Variants in FGB observed in about 807,000 individuals in gnomAD.
The protein encoded by FGB is beta-fibrinogen.
In FGB, 25 loss-of-function variants were observed where a neutral mutation model predicts 57.9. The observed-to-expected ratio is 0.43, with a 90% CI of 0.31 to 0.60. The LOEUF (loss-of-function observed/expected upper bound fraction) is 0.60, where lower values mean the gene tolerates loss of function less well. Among genes scored for constraint, FGB ranks in the 20% least tolerant of loss-of-function variants. The pLI is 0.08. For missense variants in FGB, 536 were observed against 598.4 expected (o/e 0.90, Z 1.09); for synonymous variants, 203 against 199.2 (o/e 1.02, Z -0.16).
chr4:154,567,645 A>G lies in FGB; in HGVS notation c.543A>G (p.Leu181=), dbSNP rs777720766. 2 of 1,613,170 alleles carry G rather than the reference A, an allele frequency of 1.2e-6. No homozygotes were observed. The highest frequency in any genetic ancestry group is 1.1e-5 in the South Asian group (1 of 91,066). Residue 181 remains leucine, a synonymous_variant, in exon 4 of 8, where the codon TTA becomes TTG. Coordinates refer to ENST00000302068, the MANE Select transcript of FGB (RefSeq NM_005141.5). ...EYSSELEKHQ[L]YIDETVNSNI... is the part of the protein sequence containing the mutation. ...CCTCAGAACTGGAAAAGCACCAATT[A>G]TATATAGATGAGACTGTGAATAGCA...
At chr4:154,568,870 A>T (rs896950476) in intron 5 of FGB, among the ~76,000 whole-genome samples, 1 of 150,758 alleles carries the variant, frequency 6.6e-6, no homozygotes, top group Admixed American at 6.6e-5. Context: ...AAAAAAAATT[A>T]ATTAAAAAGC....
At chr4:154,568,715 A>G (rs1341821361) in intron 5 of FGB, among the ~76,000 whole-genome samples, 1 of 128,272 alleles carries the variant, frequency 7.8e-6, no homozygotes, top group African/African-American at 2.9e-5. Flanking sequence ...AAAAAAAAAA[A>G]TCAGCTGTGT....
Position 154,570,937 on chromosome 4 carries a change from G to A in FGB, c.*287G>A, listed in dbSNP as rs1730396995. On this transcript the variant is annotated 3_prime_UTR_variant, in exon 8 of 8. Transcript: ENST00000302068. ...CGAGAATTTTCAAATAAGGAAGAGG[G>A]GTCTTTTATCCTTGTCGTAGGAAAA... is the stretch of plus-strand genomic sequence containing the variant. The A allele has an allele frequency of 1.3e-4, 59 of 441,960 alleles. 3 individuals are homozygous for A. Among genetic ancestry groups the A allele is most frequent in the South Asian group, 1.3e-3 (58 of 45,696 alleles). 27.4% of individuals were successfully genotyped at this position (441,960 alleles called of 1,614,324 possible).
chr4:154,572,136 G>T lies in FGB; in HGVS notation c.*1486G>T, dbSNP rs1730452741. Reference sequence around the variant, plus strand: ...AAATTTTTTAGCTGGAGTAAAAATGGTCCCAGTACCATTTCCTGTTCCCTT... The same window carrying T: ...AAATTTTTTAGCTGGAGTAAAAATGTTCCCAGTACCATTTCCTGTTCCCTT... On this transcript the variant is annotated 3_prime_UTR_variant, in exon 8 of 8. Transcript: ENST00000302068. Among the ~76,000 whole-genome samples the T allele has an allele frequency of 6.6e-6, 1 of 152,026 alleles. No individual in the cohort carries two copies. The highest frequency in any genetic ancestry group is 1.5e-5 in the Non-Finnish European group (1 of 68,008).
chr4:154,568,999 T>C (rs1194347050), intron 5 of FGB, among the ~76,000 whole-genome samples, 183 bp from the exon 6 acceptor site: 1 of 152,258 alleles, frequency 6.6e-6, no homozygotes, highest in African/African-American at 2.4e-5. Context: ...TGGGGTAAGA[T>C]AAAGCACTTG....
chr4:154,568,131 G>A (rs952628985), intron 4 of FGB, among the ~76,000 whole-genome samples: 2 of 152,152 alleles, frequency 1.3e-5, no homozygotes, highest in African/African-American at 4.8e-5. Flanking sequence ...TGTTCTGGGA[G>A]CTCATGGATA....
chr4:154,568,361 ATGT>A lies in FGB; in HGVS notation c.719-16_719-14del. 1 of 1,239,996 alleles carries A rather than the reference ATGT, an allele frequency of 8.1e-7. No homozygotes were observed. The highest frequency in any genetic ancestry group is 1.2e-6 in the Non-Finnish European group (1 of 838,412). 76.8% of individuals were successfully genotyped at this position (1,239,996 alleles called of 1,614,324 possible). A position where few individuals can be genotyped will look rare whatever the true frequency, so the allele number is the denominator to read the frequency against. On this transcript the variant is annotated splice_polypyrimidine_tract_variant and intron_variant, in intron 4 of 7. Coordinates refer to ENST00000302068, the MANE Select transcript of FGB (RefSeq NM_005141.5). ...ATTATGTCATAAACCCCTGAACATA[ATGT>A]TGTCTTACATTTGCAGAATGTGAGG...
In FGB at chr4:154,570,962, A is replaced by G. The variant is rs933269323; in HGVS notation, c.*312A>G. ...GGTCTTTTATCCTTGTCGTAGGAAA[A>G]CCATGACGGAAAGGAAAAACTGATG... is the stretch of plus-strand genomic sequence containing the variant. On this transcript the variant is annotated 3_prime_UTR_variant, in exon 8 of 8. Transcript: ENST00000302068. The G allele has an allele frequency of 3.9e-5, 15 of 383,948 alleles. No homozygotes were observed. Among genetic ancestry groups the G allele is most frequent in the African/African-American group, 6.2e-5 (3 of 48,428 alleles). The allele number at this position is 383,948 out of a possible 1,614,324, so 23.8% of individuals were successfully genotyped here.
In FGB at chr4:154,572,170, C is replaced by T. The variant is rs909648839; in HGVS notation, c.*1520C>T. Reference sequence around the variant, plus strand: ...CCATTTCCTGTTCCCTTCACTATAACCTACATTTTTGTCACATTAAGTTTT... The same window carrying T: ...CCATTTCCTGTTCCCTTCACTATAATCTACATTTTTGTCACATTAAGTTTT... On this transcript the variant is annotated 3_prime_UTR_variant, in exon 8 of 8. Coordinates refer to ENST00000302068, the MANE Select transcript of FGB (RefSeq NM_005141.5). Among the ~76,000 whole-genome samples the T allele has an allele frequency of 5.9e-5, 9 of 152,142 alleles. No individual in the cohort carries two copies. Among genetic ancestry groups the T allele is most frequent in the Non-Finnish European group, 1.3e-4 (9 of 68,016 alleles).
chr4:154,565,487 T>G, intron 1 of FGB: 1 of 347,154 alleles, frequency 2.9e-6, no homozygotes, highest in South Asian at 2.8e-5. Context: ...CTTGACAGTA[T>G]AGATTCTTTA....
At position 154,570,718 on chromosome 4, in the gene FGB, T is replaced by G; in HGVS notation, c.*68T>G. On this transcript the variant is annotated 3_prime_UTR_variant, in exon 8 of 8. Coordinates refer to ENST00000302068, the MANE Select transcript of FGB (RefSeq NM_005141.5). ...TTTTGTACATTATGTTATTGGAATT[T>G]TCTTTCATACATTATATTCCTCTAA... 2.5e-6 allele frequency: 3 copies of G among 1,217,246 alleles called. No individual in the cohort carries two copies. The highest frequency in any genetic ancestry group is 2.4e-6 in the Non-Finnish European group (2 of 828,212). 75.4% of individuals were successfully genotyped at this position (1,217,246 alleles called of 1,614,324 possible).
rs1483798254 is a variant in FGB at position 154,571,327 on chromosome 4, C to T, written c.*677C>T. On this transcript the variant is annotated 3_prime_UTR_variant, in exon 8 of 8. Coordinates refer to ENST00000302068, the MANE Select transcript of FGB (RefSeq NM_005141.5). ...ACCAGCCTGACCAATATGGTGAAAC[C>T]CCATCTCTACTAAAAATACAAAAAT... Among the ~76,000 whole-genome samples, 2 of 151,954 alleles carry T rather than the reference C, an allele frequency of 1.3e-5. No individual in the cohort carries two copies. The highest frequency in any genetic ancestry group is 6.6e-5 in the Admixed American group (1 of 15,236).
chr4:154,569,746 G>C lies in FGB; in HGVS notation c.1191G>C (p.Met397Ile). ...AGCTGATGGGAGAAAACAGGACCAT[G>C]ACCATTCACAACGGCATGTTCTTCA... ...ASQLMGENRT[M>I]TIHNGMFFST... The change falls in exon 7 of 8, where the codon ATG becomes ATC. Residue 397 changes from methionine (M) to isoleucine (I), a missense_variant. Transcript: ENST00000302068. 1 of 1,614,138 alleles carries C rather than the reference G, an allele frequency of 6.2e-7. No homozygotes were observed. The highest frequency in any genetic ancestry group is 8.5e-7 in the Non-Finnish European group (1 of 1,180,014).
At position 154,569,672 on chromosome 4, in the gene FGB, A is replaced by T. The variant is rs141025407; in HGVS notation, c.1117A>T (p.Asn373Tyr). 8.1e-6 allele frequency: 13 copies of T among 1,614,174 alleles called. No individual in the cohort carries two copies. Among genetic ancestry groups the T allele is most frequent in the Non-Finnish European group, 1.0e-5 (12 of 1,180,026 alleles). ...NEANKYQISV[N>Y]KYRGTAGNAL... ...AGCCAACAAATACCAGATCTCAGTGAACAAATACAGAGGAACAGCCGGTAA... is the reference window on the plus strand; with the variant it reads ...AGCCAACAAATACCAGATCTCAGTGTACAAATACAGAGGAACAGCCGGTAA... Residue 373 changes from asparagine to tyrosine, a missense_variant, in exon 7 of 8, where the codon AAC becomes TAC. By Grantham distance (143) the Asn-to-Tyr change is moderately radical. This residue lies in a region of FGB where 177 missense variants were observed against 193.7 expected (regional missense o/e 0.91). Coordinates refer to ENST00000302068, the MANE Select transcript of FGB (RefSeq NM_005141.5).
chr4:154,568,148 G>A (rs983982191), intron 4 of FGB, among the ~76,000 whole-genome samples: 1 of 152,110 alleles, frequency 6.6e-6, no homozygotes, highest in East Asian at 1.9e-4. Context: ...GATATTCCAG[G>A]ACACAAAAGG....
chr4:154,562,995 T>C, upstream of FGB: 2 of 1,161,196 alleles, frequency 1.7e-6, no homozygotes, highest in Non-Finnish European at 2.5e-6. Context: ...TATATAGGAT[T>C]GAAGATCTCT....
Position 154,565,962 on chromosome 4 carries a change from C to T in FGB, c.269C>T (p.Pro90Leu). 1 of 1,613,902 alleles carries T rather than the reference C, an allele frequency of 6.2e-7. No individual in the cohort carries two copies. The highest frequency in any genetic ancestry group is 8.5e-7 in the Non-Finnish European group (1 of 1,180,004). Residue 90 changes from proline to leucine, a missense_variant, in exon 2 of 8, where the codon CCT (proline) becomes CTT (leucine). By Grantham distance (98) the Pro-to-Leu change is moderately conservative (BLOSUM62 -3). Transcript: ENST00000302068. ...ATQKKVERKAPDAGGCLHADP... is the reference protein window; with the variant it reads ...ATQKKVERKALDAGGCLHADP... The stretch of plus-strand genomic sequence containing the variant: ...CAAAAGAAAGTAGAAAGAAAAGCCC[C>T]TGATGCTGGAGGCTGTCTTCACGCT...
At chr4:154,569,036 C>T in intron 5 of FGB, 146 bp from the exon 6 acceptor site, 1 of 847,024 alleles carries the variant, frequency 1.2e-6, no homozygotes, top group Non-Finnish European at 1.9e-6. Context: ...TACAAGTTTA[C>T]CTCTCATATT....
At chr4:154,570,303 C>A in intron 7 of FGB, 116 bp from the exon 8 acceptor site, 1 of 775,050 alleles carries the variant, frequency 1.3e-6, no homozygotes, top group Non-Finnish European at 2.3e-6. Flanking sequence ...ATGTATAGCA[C>A]CCAAAGGAAA....
Sources: allele counts gnomAD v4.1 joint callset (sites outside exome capture counted in the v4.1 genomes callset), GRCh38; gene constraint gnomAD v4.1.1; regional missense constraint gnomAD v4.1.1; transcripts MANE v1.5; gene names NCBI Gene and HGNC (gene_info 2026-07-23, HGNC 2026-07-21).